Variants in GOLM2 observed in about 807,000 individuals in gnomAD.
GOLM2 encodes the protein protein GOLM2.
GOLM2 carries 26 observed loss-of-function variants against 55.9 expected under a neutral mutation model. The ratio of observed to expected loss-of-function variants is 0.47; its 90% confidence interval spans 0.34 to 0.65. The LOEUF is 0.65. Among genes scored for constraint, GOLM2 ranks in the 30% least tolerant of loss-of-function variants. GOLM2 has a pLI of 0.01. For synonymous variants in GOLM2, 165 were observed against 194.6 expected (o/e 0.85, Z 1.27); for missense variants, 486 against 531.8 (o/e 0.91, Z 0.85).
rs555986785 is a variant in GOLM2 at position 44,332,105 on chromosome 15, CA to C, written c.576+30del. 2.5e-3 allele frequency: 2,606 copies of C among 1,056,668 alleles called. 5 individuals are homozygous for C. The highest frequency in any genetic ancestry group is 3.2e-3 in the Non-Finnish European group (2,289 of 715,688). 65.5% of individuals were successfully genotyped at this position (1,056,668 alleles called of 1,614,324 possible). ...TAAATTTTAAAAATATACTTAAATCCAAATATTTTTATTATAAATCATGGTA... is the reference window on the plus strand; with the variant it reads ...TAAATTTTAAAAATATACTTAAATCCAATATTTTTATTATAAATCATGGTA... On this transcript the variant is annotated intron_variant, in intron 4 of 9. Transcript: ENST00000299957.
chr15:44,329,182 G>A (rs2079004898), intron 3 of GOLM2, among the ~76,000 whole-genome samples: 1 of 152,192 alleles, frequency 6.6e-6, no homozygotes, highest in Non-Finnish European at 1.5e-5. Flanking sequence ...CTGAGTGCCG[G>A]CTGCTCTTCC....
At chr15:44,367,802 A>AG (rs926295410) in intron 6 of GOLM2, among the ~76,000 whole-genome samples, 1 of 152,096 alleles carries the variant, frequency 6.6e-6, no homozygotes, top group Admixed American at 6.6e-5. Context: ...AAAAAAAAAA[A>AG]AAAGATGCAG....
chr15:44,322,717 A>G (rs2078959181), intron 1 of GOLM2, among the ~76,000 whole-genome samples: 1 of 152,198 alleles, frequency 6.6e-6, no homozygotes, highest in Non-Finnish European at 1.5e-5. Context: ...TGTGATGTTC[A>G]GTTCAAACTT....
At chr15:44,407,308 C>G (rs1348389767) in intron 9 of GOLM2, among the ~76,000 whole-genome samples, 1 of 149,222 alleles carries the variant, frequency 6.7e-6, no homozygotes, top group African/African-American at 2.5e-5. Flanking sequence ...CTCTGTCACC[C>G]AGGCTGGAGT....
chr15:44,303,668 C>G (rs1329222494), intron 1 of GOLM2, among the ~76,000 whole-genome samples: 2 of 151,818 alleles, frequency 1.3e-5, no homozygotes, highest in African/African-American at 4.8e-5. Context: ...TGGACTCAAG[C>G]AATCCTCCTG....
chr15:44,326,280 A>G (rs2078980246), intron 2 of GOLM2, among the ~76,000 whole-genome samples: 1 of 151,412 alleles, frequency 6.6e-6, no homozygotes. Context: ...AAAAAAAAAA[A>G]GAAAGAAATT....
intron 6 of GOLM2, among the ~76,000 whole-genome samples, chr15:44,367,592 C>T (rs1423754503): frequency 6.6e-6 from 1 of 151,940 alleles, no homozygotes; most frequent in Non-Finnish European, 1.5e-5. Context: ...TCAAGAGATC[C>T]AAGACCATCC....
At chr15:44,383,895 T>A (rs1198739703) in intron 8 of GOLM2, among the ~76,000 whole-genome samples, 1 of 151,918 alleles carries the variant, frequency 6.6e-6, no homozygotes, top group African/African-American at 2.4e-5. Flanking sequence ...TCCAGACTGG[T>A]ATTGAACTCC....
intron 6 of GOLM2, among the ~76,000 whole-genome samples, chr15:44,375,717 G>A (rs1486044603): frequency 6.6e-6 from 1 of 152,120 alleles, no homozygotes; most frequent in African/African-American, 2.4e-5. Flanking sequence ...GGAGGTCGGG[G>A]CTCCAGTCAG....
At chr15:44,358,195 A>T (rs895429261) in intron 6 of GOLM2, among the ~76,000 whole-genome samples, 4 of 152,178 alleles carry the variant, frequency 2.6e-5, no homozygotes, top group Non-Finnish European at 4.4e-5. Context: ...CTCTACTGAA[A>T]ATACAAAAAT....
At chr15:44,294,572 G>C (rs2078742734) in intron 1 of GOLM2, among the ~76,000 whole-genome samples, 1 of 151,952 alleles carries the variant, frequency 6.6e-6, no homozygotes, top group African/African-American at 2.4e-5. Context: ...AAATTAGTCG[G>C]GTATGGTGGT....
intron 1 of GOLM2, among the ~76,000 whole-genome samples, chr15:44,291,009 G>A (rs2078717218): frequency 6.6e-6 from 1 of 151,748 alleles, no homozygotes; most frequent in Non-Finnish European, 1.5e-5. Flanking sequence ...CTCAATGTTG[G>A]TCAGGCTGGT....
intron 6 of GOLM2, among the ~76,000 whole-genome samples, chr15:44,377,663 C>T (rs536597930): frequency 3.7e-4 from 56 of 152,290 alleles, no homozygotes; most frequent in African/African-American, 1.3e-3. Context: ...CGTGAGCCAC[C>T]TTTCCTGGCC....
chr15:44,345,409 C>T (rs144518078), intron 6 of GOLM2, among the ~76,000 whole-genome samples: 4,490 of 152,198 alleles, frequency 0.03, 105 homozygotes, highest in East Asian at 0.1. Context: ...CAGGTGCCCG[C>T]CACCACGCCC....
chr15:44,345,626 A>G (rs566568391), intron 6 of GOLM2, among the ~76,000 whole-genome samples: 3 of 152,252 alleles, frequency 2.0e-5, no homozygotes, highest in South Asian at 2.1e-4. Context: ...TATTATACCT[A>G]TAAACAAAGA....
chr15:44,289,274 A>G lies in GOLM2; in HGVS notation c.245A>G (p.Asp82Gly), dbSNP rs751221524. The G allele has an allele frequency of 6.2e-7, 1 of 1,613,914 alleles. No homozygotes were observed. The change falls in exon 1 of 10, where the codon GAC becomes GGC. Residue 82 changes from aspartate to glycine, a missense_variant. Coordinates refer to ENST00000299957, the MANE Select transcript of GOLM2 (RefSeq NM_138423.4). The surrounding 1 kb of genome is among the most constrained non-coding windows in gnomAD (Gnocchi z 4.8). ...GTGGACACGCACAAGAAACAGATCG[A>G]CCAGAAGGAGGCCGACTACGGCCGC... ...LLVDTHKKQI[D>G]QKEADYGRLS...
At chr15:44,316,271 C>T (rs1483488555) in intron 1 of GOLM2, among the ~76,000 whole-genome samples, 1 of 152,062 alleles carries the variant, frequency 6.6e-6, no homozygotes, top group Non-Finnish European at 1.5e-5. Context: ...TGGCCTGAGC[C>T]TGTTGTCACA....
intron 8 of GOLM2, among the ~76,000 whole-genome samples, chr15:44,390,860 T>C (rs897554856): frequency 2.6e-5 from 4 of 151,968 alleles, no homozygotes; most frequent in African/African-American, 9.7e-5. Context: ...TGAGCCACCA[T>C]GCTCAGCCCC....
chr15:44,412,918 G>A (rs886675578), intron 9 of GOLM2, among the ~76,000 whole-genome samples: 16 of 151,650 alleles, frequency 1.1e-4, no homozygotes, highest in Admixed American at 8.6e-4. Flanking sequence ...TAGGAGAATC[G>A]CTTGATCCTG....
Sources: gnomAD v4.1 joint callset for allele counts (sites outside exome capture counted in the v4.1 genomes callset) on GRCh38, gnomAD v4.1.1 for gene constraint, Gnocchi (gnomAD v3.1) non-coding constraint, MANE v1.5 for transcripts, NCBI Gene and HGNC (gene_info 2026-07-23, HGNC 2026-07-21) for gene names.